Variants in NALF1 observed in about 807,000 individuals in gnomAD.
The protein encoded by NALF1 is NALCN channel auxiliary factor 1.
A neutral mutation model predicts 48.4 loss-of-function variants in NALF1; 3 were observed. The ratio of observed to expected loss-of-function variants is 0.06; its 90% CI spans 0.03 to 0.16. The LOEUF (loss-of-function observed/expected upper bound fraction) is 0.16, where lower values mean the gene tolerates loss of function less well. NALF1 is among the 10% of genes least tolerant of loss of function. The pLI is 1.00. For synonymous variants in NALF1, 262 were observed against 245.7 expected, an observed-to-expected ratio of 1.07 and a Z score of -0.62; for missense variants, 526 against 571.5, an observed-to-expected ratio of 0.92 and a Z score of 0.81.
intron 1 of NALF1, among the ~76,000 whole-genome samples, chr13:107,789,667 T>G (rs1878174851): frequency 6.6e-6 from 1 of 152,142 alleles, no homozygotes; most frequent in Non-Finnish European, 1.5e-5. Context: ...TTTTTCCATG[T>G]TAGAGATAAT....
chr13:107,820,344 G>A (rs186800442), intron 1 of NALF1, among the ~76,000 whole-genome samples: 101 of 152,184 alleles, frequency 6.6e-4, no homozygotes, highest in African/African-American at 2.4e-3. Context: ...ATATTTTCAC[G>A]AGCATGACTA....
chr13:107,642,221 T>C (rs958741059), intron 1 of NALF1, among the ~76,000 whole-genome samples: 2 of 152,212 alleles, frequency 1.3e-5, no homozygotes, highest in Admixed American at 6.5e-5. Flanking sequence ...CCATAATTCA[T>C]GGAATTACAT....
intron 1 of NALF1, among the ~76,000 whole-genome samples, chr13:107,222,225 C>T (rs572681532): frequency 1.8e-4 from 28 of 152,036 alleles, no homozygotes; most frequent in South Asian, 1.5e-3. Flanking sequence ...TTTCTGGTCC[C>T]GGTCTTAAGA....
chr13:107,305,266 GA>G (rs141233794), intron 1 of NALF1, among the ~76,000 whole-genome samples: 1,845 of 152,234 alleles, frequency 0.012, 32 homozygotes, highest in African/African-American at 0.042. Context: ...TTGCATTAAA[GA>G]AAACCACATA....
At chr13:107,735,782 C>T (rs1320810624) in intron 1 of NALF1, among the ~76,000 whole-genome samples, 1 of 152,158 alleles carries the variant, frequency 6.6e-6, no homozygotes. Context: ...CATCTCTTTA[C>T]CCACCAACTC....
chr13:107,559,289 A>T (rs1877574236), intron 1 of NALF1, among the ~76,000 whole-genome samples: 1 of 152,176 alleles, frequency 6.6e-6, no homozygotes, highest in Non-Finnish European at 1.5e-5. Context: ...ATAAGGAGTG[A>T]ATCTTTCATT....
At chr13:107,776,864 G>A (rs1270913218) in intron 1 of NALF1, among the ~76,000 whole-genome samples, 1 of 152,206 alleles carries the variant, frequency 6.6e-6, no homozygotes, top group East Asian at 1.9e-4. Context: ...GCCCAGGCAG[G>A]AGGATCCCTT....
At chr13:107,597,568 A>G (rs141350918) in intron 1 of NALF1, among the ~76,000 whole-genome samples, 19 of 152,196 alleles carry the variant, frequency 1.2e-4, no homozygotes, top group African/African-American at 4.3e-4. Context: ...TCTTATAAAT[A>G]ATAGAGGTAA....
intron 1 of NALF1, among the ~76,000 whole-genome samples, chr13:107,597,088 T>C (rs1878775823): frequency 6.6e-6 from 1 of 152,160 alleles, no homozygotes; most frequent in African/African-American, 2.4e-5. Flanking sequence ...TTAAATGATA[T>C]TTTGCATAGA....
At chr13:107,862,052 T>G (rs547997650) in intron 1 of NALF1, among the ~76,000 whole-genome samples, 1 of 152,330 alleles carries the variant, frequency 6.6e-6, no homozygotes, top group South Asian at 2.1e-4. Flanking sequence ...TCATACATTC[T>G]TGAGAGAACA....
intron 1 of NALF1, among the ~76,000 whole-genome samples, chr13:107,238,421 G>A (rs1296035951): frequency 1.3e-5 from 2 of 152,192 alleles, no homozygotes; most frequent in African/African-American, 4.8e-5. Context: ...CAGGCAAGGA[G>A]TCAGGTCAGG....
intron 1 of NALF1, among the ~76,000 whole-genome samples, chr13:107,687,840 A>T (rs1881473543): frequency 6.6e-6 from 1 of 152,248 alleles, no homozygotes; most frequent in Non-Finnish European, 1.5e-5. Context: ...AGCCACATGT[A>T]GCACATGGCT....
At position 107,784,612 on chromosome 13, in the gene NALF1, A is replaced by G. The variant is rs531643358; in HGVS notation, c.915+81070T>C. Among the ~76,000 whole-genome samples the G allele has an allele frequency of 7.7e-4, 118 of 152,372 alleles. 4 individuals carry two copies. In the South Asian group the frequency reaches 0.024, roughly 31 times the overall value. On this transcript the variant is annotated intron_variant, in intron 1 of 2. Transcript: ENST00000375915. Reference sequence around the variant, plus strand: ...AGGACATGAATAGACGATTCTCAAAAGAAGATACACAAATAGCCAACAAAC... The same window carrying G: ...AGGACATGAATAGACGATTCTCAAAGGAAGATACACAAATAGCCAACAAAC...
rs1158742387 is a variant in NALF1 at position 107,513,187 on chromosome 13, A to G, written c.916-302432T>C. 9.2e-5 allele frequency among the ~76,000 whole-genome samples: 14 copies of G among 152,174 alleles called. No individual in the cohort carries two copies. In the East Asian group the frequency reaches 2.7e-3, roughly 29 times the overall value. Reference sequence around the variant, plus strand: ...TTTGGAAAATAAACCTATCTTTGATATTGGGGTCTATATTTGGGGAATTAT... The same window carrying G: ...TTTGGAAAATAAACCTATCTTTGATGTTGGGGTCTATATTTGGGGAATTAT... On this transcript the variant is annotated intron_variant, in intron 1 of 2. Transcript: ENST00000375915.
chr13:107,294,910 A>C (rs1450809268), intron 1 of NALF1, among the ~76,000 whole-genome samples: 1 of 152,244 alleles, frequency 6.6e-6, no homozygotes, highest in Non-Finnish European at 1.5e-5. Flanking sequence ...TGAAGAAAGA[A>C]TATTGGAAAT....
chr13:107,808,816 T>A (rs1445761532), intron 1 of NALF1, among the ~76,000 whole-genome samples: 1 of 152,012 alleles, frequency 6.6e-6, no homozygotes, highest in Non-Finnish European at 1.5e-5. Context: ...TACACATAAC[T>A]GGGAGGGAGA....
rs1297771482 is a variant in NALF1 at position 107,170,486 on chromosome 13, T to G, written c.*11A>C. 3.2e-6 allele frequency: 5 copies of G among 1,580,298 alleles called. No individual in the cohort carries two copies. The highest frequency in any genetic ancestry group is 1.3e-5 in the African/African-American group (1 of 74,660). On this transcript the variant is annotated 3_prime_UTR_variant, in exon 3 of 3. Transcript: ENST00000375915. ...GGGCCAGCTGCTGCTGTGGTGACAC[T>G]CGTCCTTCCGTTACTCCTCATTGGT...
At chr13:107,397,216 T>A (rs998840205) in intron 1 of NALF1, among the ~76,000 whole-genome samples, 4 of 152,296 alleles carry the variant, frequency 2.6e-5, no homozygotes, top group Admixed American at 1.3e-4. Flanking sequence ...CTCTTGCTCA[T>A]CCTCTGCAGC....
chr13:107,264,963 A>T (rs1011496635), intron 1 of NALF1, among the ~76,000 whole-genome samples: 3 of 152,194 alleles, frequency 2.0e-5, no homozygotes, highest in Admixed American at 6.5e-5. Context: ...CTTGCATGAA[A>T]GTTTTTGTAT....
Sources: allele counts gnomAD v4.1 joint callset (sites outside exome capture counted in the v4.1 genomes callset), GRCh38; gene constraint gnomAD v4.1.1; transcripts MANE v1.5; gene names NCBI Gene and HGNC (gene_info 2026-07-23, HGNC 2026-07-21).